DOCK3: variants seen among roughly 807,000 people sequenced by gnomAD.
DOCK3 encodes dedicator of cytokinesis protein 3.
Under a neutral mutation model 265.6 loss-of-function variants are expected in DOCK3, and 60 were observed. The ratio of observed to expected loss-of-function variants is 0.23; its 90% CI spans 0.18 to 0.28. The LOEUF is 0.28. Among genes scored for constraint, DOCK3 ranks in the 10% least tolerant of loss-of-function variants. DOCK3 has a pLI of 1.00. For synonymous variants in DOCK3, 881 were observed against 938.0 expected, an observed-to-expected ratio of 0.94 and a Z score of 1.11; for missense variants, 1,981 against 2,594.3, an observed-to-expected ratio of 0.76 and a Z score of 5.14.
chr3:51,218,652 TTCTAAGGTTA>T (rs1227684728), intron 14 of DOCK3, among the ~76,000 whole-genome samples: 65 of 152,346 alleles, frequency 4.3e-4, no homozygotes, highest in African/African-American at 1.4e-3. Flanking sequence ...AGACTTGAAT[TTCTAAGGTTA>T]TCATTGATTG....
intron 9 of DOCK3, among the ~76,000 whole-genome samples, chr3:51,120,264 A>C (rs955533687): frequency 8.5e-5 from 13 of 152,170 alleles, no homozygotes; most frequent in African/African-American, 2.9e-4. Context: ...GGTCTACTCC[A>C]GATCCTGTTT....
At chr3:50,861,353 A>G (rs560176545) in intron 3 of DOCK3, among the ~76,000 whole-genome samples, 5 of 152,298 alleles carry the variant, frequency 3.3e-5, no homozygotes, top group South Asian at 2.1e-4. Flanking sequence ...CTACTCCCCA[A>G]TGGTCAATTT....
intron 9 of DOCK3, among the ~76,000 whole-genome samples, chr3:51,113,510 T>G (rs1389691366): frequency 6.6e-6 from 1 of 152,154 alleles, no homozygotes; most frequent in Non-Finnish European, 1.5e-5. Context: ...CGAACATTAA[T>G]CCACGTACCA....
chr3:51,150,734 G>T (rs996544009), intron 10 of DOCK3, among the ~76,000 whole-genome samples: 11 of 152,206 alleles, frequency 7.2e-5, no homozygotes, highest in African/African-American at 2.2e-4. Context: ...TTTTACATTT[G>T]CTGAGGAGTG....
intron 12 of DOCK3, among the ~76,000 whole-genome samples, chr3:51,169,090 A>T (rs756738171): frequency 9.2e-5 from 14 of 152,190 alleles, no homozygotes; most frequent in Non-Finnish European, 1.6e-4. Context: ...AAAATAACAG[A>T]TGCTGGTGAA....
chr3:51,247,074 A>G (rs2078875385), intron 22 of DOCK3, among the ~76,000 whole-genome samples: 1 of 152,206 alleles, frequency 6.6e-6, no homozygotes, highest in African/African-American at 2.4e-5. Context: ...TACCCATAGT[A>G]TCAGTCCTTT....
At chr3:51,313,796 A>C (rs1474304049) in intron 31 of DOCK3, among the ~76,000 whole-genome samples, 2 of 152,126 alleles carry the variant, frequency 1.3e-5, no homozygotes, top group Non-Finnish European at 2.9e-5. Context: ...CATTTCCCCA[A>C]TCAGACTTTC....
At chr3:51,158,207 C>T (rs1404001929) in intron 10 of DOCK3, among the ~76,000 whole-genome samples, 6 of 152,124 alleles carry the variant, frequency 3.9e-5, no homozygotes, top group African/African-American at 7.2e-5. Flanking sequence ...AAGCATAATG[C>T]GTACTCATCA....
At chr3:50,823,381 C>A (rs911971984) in intron 2 of DOCK3, among the ~76,000 whole-genome samples, 4 of 152,192 alleles carry the variant, frequency 2.6e-5, no homozygotes, top group African/African-American at 9.7e-5. Context: ...AACGAGCATG[C>A]TGTCTTCAAG....
intron 4 of DOCK3, among the ~76,000 whole-genome samples, chr3:50,928,844 A>G (rs73833949): frequency 0.025 from 3,837 of 152,346 alleles, 187 homozygotes; most frequent in African/African-American, 0.088. Flanking sequence ...TGCATTCAGT[A>G]GAAACCATAC....
intron 27 of DOCK3, among the ~76,000 whole-genome samples, chr3:51,282,651 C>T (rs2081188977): frequency 8.5e-6 from 1 of 117,754 alleles, no homozygotes; most frequent in South Asian, 3.0e-4. Flanking sequence ...GAAACTCTGT[C>T]TCAAAAAAAA....
intron 9 of DOCK3, among the ~76,000 whole-genome samples, chr3:51,121,751 A>T (rs373672695): frequency 6.6e-6 from 1 of 152,198 alleles, no homozygotes; most frequent in Non-Finnish European, 1.5e-5. Context: ...CCTCTAGAGC[A>T]TGTACCAAAC....
At chr3:51,305,718 G>C (rs896176163) in intron 27 of DOCK3, among the ~76,000 whole-genome samples, 4 of 42,052 alleles carry the variant, frequency 9.5e-5, no homozygotes, top group Admixed American at 2.7e-4. Flanking sequence ...GTGTGTGTCT[G>C]TGTGTGTGTG....
rs551263505 is a variant in DOCK3, at chr3:51,026,822, T to G, written c.316-37626T>G. Among the ~76,000 whole-genome samples, 9 of 152,228 alleles carry G rather than the reference T, an allele frequency of 5.9e-5. No individual in the cohort carries two copies. In the South Asian group the frequency reaches 1.9e-3, roughly 32 times the overall value. The stretch of plus-strand genomic sequence containing the variant: ...ATCTTTTGTATTTATGTGGCATCAG[T>G]TTTATTATTTTGGATTGTGCTTATT... On this transcript the variant is annotated intron_variant, in intron 5 of 52. Coordinates refer to ENST00000266037, the MANE Select transcript of DOCK3 (RefSeq NM_004947.5).
rs567929585 is a variant in DOCK3 at position 50,875,217 on chromosome 3, A to T, written c.163-14809A>T. ...GTATCCCAGAACTTAAAGTAAAATT[A>T]AAAAAAAAATTATGTTGTCTGCAAA... is the stretch of plus-strand genomic sequence containing the variant. On this transcript the variant is annotated intron_variant, in intron 3 of 52. Coordinates refer to ENST00000266037, the MANE Select transcript of DOCK3 (RefSeq NM_004947.5). Among the ~76,000 whole-genome samples, 39 of 151,034 alleles carry T rather than the reference A, an allele frequency of 2.6e-4. No homozygotes were observed. In the East Asian group the frequency reaches 2.7e-3, roughly 11 times the overall value.
intron 12 of DOCK3, among the ~76,000 whole-genome samples, chr3:51,174,183 G>T (rs2086824919): frequency 3.9e-5 from 6 of 152,134 alleles, no homozygotes; most frequent in Admixed American, 3.9e-4. Flanking sequence ...GGCTGGGCAT[G>T]GTGGCTCACC....
At chr3:50,827,914 C>G (rs967666103) in intron 2 of DOCK3, among the ~76,000 whole-genome samples, 1 of 151,678 alleles carries the variant, frequency 6.6e-6, no homozygotes, top group Non-Finnish European at 1.5e-5. Flanking sequence ...TTTTGCTTTT[C>G]CCTTAGTGAT....
At chr3:50,804,512 G>A (rs932755488) in intron 2 of DOCK3, among the ~76,000 whole-genome samples, 26 of 152,150 alleles carry the variant, frequency 1.7e-4, no homozygotes, top group African/African-American at 4.3e-4. Context: ...TGAGGCTGGC[G>A]GATCACTCAC....
At chr3:50,922,340 T>C (rs1448887945) in intron 4 of DOCK3, among the ~76,000 whole-genome samples, 2 of 152,118 alleles carry the variant, frequency 1.3e-5, no homozygotes, top group African/African-American at 4.8e-5. Flanking sequence ...TCCGTGGGTG[T>C]AGGACCCCCT....
Sources: allele counts gnomAD v4.1 joint callset (sites outside exome capture counted in the v4.1 genomes callset), GRCh38; gene constraint gnomAD v4.1.1; transcripts MANE v1.5; gene names NCBI Gene and HGNC (gene_info 2026-07-23, HGNC 2026-07-21).